The following GAP43 variants were observed in gnomAD, a reference collection of about 807,000 sequenced individuals.
GAP43 encodes the protein growth associated protein 43, also known as neuromodulin.
GAP43 carries 6 observed loss-of-function variants against 18.6 expected under a neutral mutation model. The ratio of observed to expected loss-of-function variants is 0.32; its 90% CI spans 0.18 to 0.64. The LOEUF is 0.64. Among genes scored for constraint, GAP43 ranks in the 30% least tolerant of loss-of-function variants. The probability of loss-of-function intolerance (pLI) is 0.78; values close to 1 mark genes in which losing one functional copy is unlikely to be tolerated. For synonymous variants in GAP43, 115 were observed against 111.4 expected (o/e 1.03, Z -0.20); for missense variants, 292 against 295.5 (o/e 0.99, Z 0.09).
At chr3:115,635,148 C>T (rs1708312451) in intron 1 of GAP43, among the ~76,000 whole-genome samples, 1 of 151,950 alleles carries the variant, frequency 6.6e-6, no homozygotes, top group Admixed American at 6.6e-5. Context: ...ATTTCCTTAA[C>T]TCTCAAGGAC....
At chr3:115,698,074 A>T (rs1382385617) in intron 2 of GAP43, among the ~76,000 whole-genome samples, 10 of 49,454 alleles carry the variant, frequency 2.0e-4, no homozygotes, top group Admixed American at 3.8e-4. Context: ...TATTATATAT[A>T]ATATATAAAA....
In GAP43 at chr3:115,644,488, T is replaced by C. The variant is rs921684311; in HGVS notation, c.30+20769T>C. ...GACAGAGCATCCATTCCACACCCTA[T>C]TTCCATTCCCAGTTAATCTTCAAAG... On this transcript the variant is annotated intron_variant, in intron 1 of 2. Transcript: ENST00000305124. This position sits in a 1 kb window ranked among gnomAD's most constrained non-coding sequence, Gnocchi z 4.2. 3.3e-5 allele frequency among the ~76,000 whole-genome samples: 5 copies of C among 152,144 alleles called. No individual in the cohort carries two copies. The highest frequency in any genetic ancestry group is 1.2e-4 in the African/African-American group (5 of 41,532).
At chr3:115,656,470 A>G (rs1444012227) in intron 1 of GAP43, among the ~76,000 whole-genome samples, 1 of 152,174 alleles carries the variant, frequency 6.6e-6, no homozygotes, top group Non-Finnish European at 1.5e-5. Context: ...AGTTGAACCT[A>G]TGAATTGGAT....
At chr3:115,673,394 G>C (rs1189098047) in intron 1 of GAP43, among the ~76,000 whole-genome samples, 1 of 152,158 alleles carries the variant, frequency 6.6e-6, no homozygotes, top group Non-Finnish European at 1.5e-5. Flanking sequence ...AGAAAAGACA[G>C]AGCTCTAAAA....
rs1456653167 is a variant in GAP43, at chr3:115,718,789, C to CA, written c.629-1999dup. 2.6e-5 allele frequency among the ~76,000 whole-genome samples: 4 copies of CA among 152,114 alleles called. No individual in the cohort carries two copies. In the East Asian group the frequency reaches 7.7e-4, roughly 29 times the overall value. On this transcript the variant is annotated intron_variant, in intron 2 of 2. Transcript: ENST00000305124. ...AGATTCTAAAAACCTAACCTATTTTCAAAAAATAAGCATTTCTGCTACTGA... is the reference window on the plus strand; with the variant it reads ...AGATTCTAAAAACCTAACCTATTTTCAAAAAAATAAGCATTTCTGCTACTGA...
intron 1 of GAP43, among the ~76,000 whole-genome samples, chr3:115,651,944 AG>A (rs1708523206): frequency 6.6e-6 from 1 of 152,190 alleles, no homozygotes; most frequent in Non-Finnish European, 1.5e-5. Flanking sequence ...TCTTCTAGAT[AG>A]AGGTGATACA....
chr3:115,627,661 C>T (rs928525490), intron 1 of GAP43, among the ~76,000 whole-genome samples: 5 of 152,090 alleles, frequency 3.3e-5, no homozygotes, highest in African/African-American at 9.7e-5. Context: ...TCAAAGAATG[C>T]ACATAACCAG....
chr3:115,660,487 G>A (rs545034029), intron 1 of GAP43, among the ~76,000 whole-genome samples: 1 of 152,306 alleles, frequency 6.6e-6, no homozygotes, highest in African/African-American at 2.4e-5. Context: ...CAAAGAAACA[G>A]ATCCAGAGAA....
chr3:115,706,751 C>G (rs778838249), intron 2 of GAP43, among the ~76,000 whole-genome samples: 3 of 152,072 alleles, frequency 2.0e-5, no homozygotes, highest in African/African-American at 4.8e-5. Context: ...TTTTTTCACT[C>G]CACAAGCAGA....
chr3:115,701,418 T>C (rs1012127551), intron 2 of GAP43, among the ~76,000 whole-genome samples: 7 of 152,018 alleles, frequency 4.6e-5, no homozygotes, highest in African/African-American at 1.4e-4. Context: ...CTACACACAA[T>C]TGGCTCACCA....
chr3:115,627,315 C>G (rs1384546598), intron 1 of GAP43, among the ~76,000 whole-genome samples: 1 of 151,488 alleles, frequency 6.6e-6, no homozygotes, highest in African/African-American at 2.4e-5. Flanking sequence ...TTCCCCACCC[C>G]CTCCCCTACC....
intron 2 of GAP43, among the ~76,000 whole-genome samples, chr3:115,694,583 A>G (rs1011605156): frequency 2.0e-5 from 3 of 152,232 alleles, no homozygotes; most frequent in Non-Finnish European, 1.5e-5. Flanking sequence ...CAATGATCCT[A>G]TGATGAGGGA....
intron 2 of GAP43, among the ~76,000 whole-genome samples, chr3:115,676,822 C>T (rs572434606): frequency 1.3e-5 from 2 of 152,274 alleles, no homozygotes; most frequent in East Asian, 3.9e-4. Flanking sequence ...CCAGAGAGGA[C>T]TCAGGCAGGT....
chr3:115,674,523 CTCTTG>C (rs2107488513), intron 1 of GAP43, among the ~76,000 whole-genome samples: 1 of 152,280 alleles, frequency 6.6e-6, no homozygotes, highest in South Asian at 2.1e-4. Context: ...ATATGCTAGT[CTCTTG>C]TCTTTAGTAC....
At chr3:115,688,973 C>T (rs1379607684) in intron 2 of GAP43, among the ~76,000 whole-genome samples, 1 of 152,196 alleles carries the variant, frequency 6.6e-6, no homozygotes, top group Non-Finnish European at 1.5e-5. Flanking sequence ...TCTGCTCAGC[C>T]CTTCTTCCCC....
At chr3:115,688,945 T>G (rs577257499) in intron 2 of GAP43, among the ~76,000 whole-genome samples, 6 of 152,350 alleles carry the variant, frequency 3.9e-5, no homozygotes, top group African/African-American at 1.4e-4. Flanking sequence ...ACGTCTTAGC[T>G]TTCTGATCAG....
In GAP43 at chr3:115,682,268, T is replaced by C. The variant is rs377734542; in HGVS notation, c.628+5658T>C. 1.2e-3 allele frequency among the ~76,000 whole-genome samples: 189 copies of C among 152,322 alleles called. 2 individuals carry two copies. The highest frequency in any genetic ancestry group is 4.3e-3 in the African/African-American group (180 of 41,570). ...AAAGATCAGCTGAAAATGATTGTTC[T>C]TAACAGATGTATTACTGACTCCATC... is the stretch of plus-strand genomic sequence containing the variant. On this transcript the variant is annotated intron_variant, in intron 2 of 2. Transcript: ENST00000305124.
intron 2 of GAP43, among the ~76,000 whole-genome samples, chr3:115,685,108 G>T (rs1169910606): frequency 6.6e-6 from 1 of 152,142 alleles, no homozygotes; most frequent in Non-Finnish European, 1.5e-5. Flanking sequence ...CCAGGAAAAT[G>T]AATACAGAAG....
At chr3:115,685,487 C>G (rs1010976648) in intron 2 of GAP43, among the ~76,000 whole-genome samples, 2 of 152,206 alleles carry the variant, frequency 1.3e-5, no homozygotes, top group Non-Finnish European at 2.9e-5. Flanking sequence ...TGTTCCCAAA[C>G]CAACAGTGTT....
Sources: gnomAD v4.1 joint callset for allele counts (sites outside exome capture counted in the v4.1 genomes callset) on GRCh38, gnomAD v4.1.1 for gene constraint, Gnocchi (gnomAD v3.1) non-coding constraint, MANE v1.5 for transcripts, NCBI Gene and HGNC (gene_info 2026-07-23, HGNC 2026-07-21) for gene names.